Variants in VPS13B observed in about 807,000 individuals in gnomAD.
The protein encoded by VPS13B is intermembrane lipid transfer protein VPS13B.
VPS13B carries 285 observed loss-of-function variants against 426.4 expected under a neutral mutation model. The observed-to-expected ratio is 0.67, with a 90% CI of 0.61 to 0.74. VPS13B has a LOEUF of 0.74. Among genes scored for constraint, VPS13B ranks in the 30% least tolerant of loss-of-function variants. VPS13B has a pLI of 0.00. For synonymous variants in VPS13B, 1,676 were observed against 1,676.4 expected (o/e 1.00, Z 0.01); for missense variants, 4,537 against 4,782.6 (o/e 0.95, Z 1.51).
At chr8:99,585,897 A>C (rs72674667) in intron 33 of VPS13B, among the ~76,000 whole-genome samples, 3 of 152,184 alleles carry the variant, frequency 2.0e-5, no homozygotes, top group Non-Finnish European at 1.5e-5. Context: ...AAAACTGATC[A>C]TATGGAGGTC....
At chr8:99,489,386 G>A (rs1387868754) in intron 25 of VPS13B, among the ~76,000 whole-genome samples, 1 of 151,812 alleles carries the variant, frequency 6.6e-6, no homozygotes, top group Non-Finnish European at 1.5e-5. Flanking sequence ...GGCAATGCGG[G>A]CTCTTTTTTG....
intron 34 of VPS13B, among the ~76,000 whole-genome samples, chr8:99,649,403 AT>A (rs944200197): frequency 2.5e-4 from 37 of 150,238 alleles, no homozygotes; most frequent in Admixed American, 1.5e-3. Flanking sequence ...TAAGACTCTC[AT>A]TTTTTTTTCC....
At position 99,082,097 on chromosome 8, in the gene VPS13B, G is replaced by A. The variant is rs189409122; in HGVS notation, c.292-14215G>A. Among the ~76,000 whole-genome samples the A allele has an allele frequency of 6.5e-3, 994 of 152,176 alleles. 7 individuals carry two copies. The highest frequency in any genetic ancestry group is 0.022 in the African/African-American group (901 of 41,526). ...CCACCAACAGTGTAAAAGTGTTCCT[G>A]TTTCTCCACATCCTCTCCAGCACCT... On this transcript the variant is annotated intron_variant, in intron 3 of 61. Transcript: ENST00000357162.
chr8:99,832,003 G>A (rs1362587687), intron 51 of VPS13B, among the ~76,000 whole-genome samples: 2 of 152,216 alleles, frequency 1.3e-5, no homozygotes, highest in Non-Finnish European at 2.9e-5. Flanking sequence ...ACTCACGCCT[G>A]TAATCCCAGC....
chr8:99,736,585 AAAC>A (rs1339249251), intron 39 of VPS13B, among the ~76,000 whole-genome samples: 3 of 152,118 alleles, frequency 2.0e-5, no homozygotes, highest in East Asian at 1.9e-4. Flanking sequence ...AAACAAACAA[AAAC>A]AACAACAACA....
At chr8:99,152,023 A>G (rs746946362) in intron 14 of VPS13B, among the ~76,000 whole-genome samples, 2 of 151,754 alleles carry the variant, frequency 1.3e-5, no homozygotes, top group Admixed American at 6.6e-5. Flanking sequence ...TCTGTTTTCA[A>G]TTTCATTGAT....
intron 22 of VPS13B, among the ~76,000 whole-genome samples, chr8:99,435,877 C>T (rs1330036215): frequency 6.6e-6 from 1 of 152,034 alleles, no homozygotes; most frequent in African/African-American, 2.4e-5. Flanking sequence ...GTGAGACATC[C>T]AGGTATGTAT....
At position 99,778,924 on chromosome 8, in the gene VPS13B, G is replaced by A; in HGVS notation, c.7672G>A (p.Val2558Ile). 2 of 1,613,988 alleles carry A rather than the reference G, an allele frequency of 1.2e-6. No individual in the cohort carries two copies. The highest frequency in any genetic ancestry group is 1.7e-6 in the Non-Finnish European group (2 of 1,179,902). The change falls in exon 42 of 62, where the codon GTA becomes ATA. Residue 2558 changes from valine to isoleucine, a missense_variant. Physicochemically the swap from Val to Ile is conservative, Grantham distance 29. This residue lies in a region of VPS13B where 4,311 missense variants were observed against 4,474.3 expected (regional missense o/e 0.96). Transcript: ENST00000357162. Reference sequence around the variant, plus strand: ...CGGGCAGATGGCAGTTTCCAGCGATGTAGTGGAAAAGCTGCTTGACTGCAC... The same window carrying A: ...CGGGCAGATGGCAGTTTCCAGCGATATAGTGGAAAAGCTGCTTGACTGCAC... The part of the protein sequence containing the change: ...IFGQMAVSSD[V>I]VEKLLDCTVI...
chr8:99,125,044 A>T (rs1563555036), intron 8 of VPS13B, among the ~76,000 whole-genome samples: 2 of 152,130 alleles, frequency 1.3e-5, no homozygotes, highest in Non-Finnish European at 1.5e-5. Context: ...AATAGGCTAT[A>T]TGTATGTATG....
At chr8:99,562,776 A>G (rs113488969) in intron 31 of VPS13B, among the ~76,000 whole-genome samples, 220 of 152,220 alleles carry the variant, frequency 1.4e-3, no homozygotes, top group African/African-American at 5.0e-3. Context: ...TGCTGTCATC[A>G]TTTACTAAAG....
At chr8:99,815,653 G>A (rs201541916) in intron 44 of VPS13B, among the ~76,000 whole-genome samples, 3 of 142,666 alleles carry the variant, frequency 2.1e-5, no homozygotes, top group Non-Finnish European at 4.6e-5. Flanking sequence ...TACATATACT[G>A]TGTATGTGTG....
chr8:99,323,562 G>A (rs1057086270), intron 19 of VPS13B, among the ~76,000 whole-genome samples: 9 of 152,138 alleles, frequency 5.9e-5, no homozygotes, highest in African/African-American at 1.7e-4. Context: ...GAACCAATAT[G>A]TTTATATCCC....
intron 15 of VPS13B, among the ~76,000 whole-genome samples, chr8:99,165,202 G>A (rs1209968484): frequency 1.3e-5 from 2 of 152,050 alleles, no homozygotes; most frequent in Non-Finnish European, 2.9e-5. Flanking sequence ...GTTTAAATCT[G>A]CTGTCATTGA....
chr8:99,110,469 C>T (rs192968528), intron 5 of VPS13B, among the ~76,000 whole-genome samples: 24 of 151,908 alleles, frequency 1.6e-4, no homozygotes, highest in Admixed American at 1.0e-3. Flanking sequence ...TGGTGGTGTC[C>T]ACTAGACCTT....
chr8:99,802,557 A>C (rs1431212592), intron 43 of VPS13B, among the ~76,000 whole-genome samples: 1 of 152,218 alleles, frequency 6.6e-6, no homozygotes, highest in African/African-American at 2.4e-5. Context: ...CATGGAAAAA[A>C]GGAAACTTAA....
rs143960353 is a variant in VPS13B, at chr8:99,612,102, T to C, written c.5221-29709T>C. 1.1e-4 allele frequency among the ~76,000 whole-genome samples: 16 copies of C among 152,254 alleles called. No individual in the cohort carries two copies. In the East Asian group the frequency reaches 2.7e-3, roughly 26 times the overall value. Reference sequence around the variant, plus strand: ...TTATTGGTAAGTGATACAGCCATGATTTCAACCCAGATTTTATGTCTAAAG... The same window carrying C: ...TTATTGGTAAGTGATACAGCCATGACTTCAACCCAGATTTTATGTCTAAAG... On this transcript the variant is annotated intron_variant, in intron 33 of 61. Coordinates refer to ENST00000357162, the MANE Select transcript of VPS13B (RefSeq NM_152564.5).
intron 3 of VPS13B, among the ~76,000 whole-genome samples, chr8:99,058,261 TA>T (rs1255251088): frequency 2.6e-5 from 4 of 151,968 alleles, no homozygotes; most frequent in Non-Finnish European, 5.9e-5. Flanking sequence ...TGTCTTCTCT[TA>T]AGTCAGATTT....
intron 30 of VPS13B, among the ~76,000 whole-genome samples, chr8:99,543,003 A>C (rs1014308164): frequency 1.3e-5 from 2 of 152,208 alleles, no homozygotes; most frequent in African/African-American, 2.4e-5. Flanking sequence ...CGCATTGCCA[A>C]GTCAATCCTG....
intron 8 of VPS13B, among the ~76,000 whole-genome samples, chr8:99,125,655 G>A (rs1848159407): frequency 6.6e-6 from 1 of 152,126 alleles, no homozygotes; most frequent in African/African-American, 2.4e-5. Flanking sequence ...GTGCTTAATA[G>A]GTTCAGAGTT....
Sources: gnomAD v4.1 joint callset for allele counts (sites outside exome capture counted in the v4.1 genomes callset) on GRCh38, gnomAD v4.1.1 for gene constraint, gnomAD v4.1.1 regional missense constraint, MANE v1.5 for transcripts, NCBI Gene and HGNC (gene_info 2026-07-23, HGNC 2026-07-21) for gene names.